The following HSD17B2 variants were observed in gnomAD, a reference collection of about 807,000 sequenced individuals.
HSD17B2 encodes the protein 17-beta-hydroxysteroid dehydrogenase type 2.
A neutral mutation model predicts 26.9 loss-of-function variants in HSD17B2; 32 were observed. That is an observed-to-expected ratio of 1.19 (90% CI 0.90 to 1.60). The LOEUF is 1.60. Among genes scored for constraint, HSD17B2 ranks in the 40% most tolerant of loss-of-function variants. The probability of loss-of-function intolerance (pLI) is 0.00; values close to 1 mark genes in which losing one functional copy is unlikely to be tolerated. For synonymous variants in HSD17B2, 246 were observed against 186.7 expected (o/e 1.32, Z -2.59); for missense variants, 613 against 468.6 (o/e 1.31, Z -2.85).
At chr16:82,086,631 C>T (rs1904534956) in intron 3 of HSD17B2, among the ~76,000 whole-genome samples, 1 of 152,110 alleles carries the variant, frequency 6.6e-6, no homozygotes, top group African/African-American at 2.4e-5. Context: ...CGTGCCTATG[C>T]TAAGTAAGGA....
chr16:82,072,153 C>T (rs950140970), intron 3 of HSD17B2, among the ~76,000 whole-genome samples: 5 of 151,970 alleles, frequency 3.3e-5, no homozygotes, highest in African/African-American at 1.2e-4. Flanking sequence ...AAACTAACTG[C>T]TATGTGTCTT....
intron 3 of HSD17B2, among the ~76,000 whole-genome samples, chr16:82,089,649 G>A (rs1177827398): frequency 2.0e-5 from 3 of 152,314 alleles, no homozygotes; most frequent in Non-Finnish European, 4.4e-5. Context: ...TAGCAGGGCT[G>A]TGCTCCTTCT....
At position 82,068,379 on chromosome 16, in the gene HSD17B2, A is replaced by G. The variant is rs961259046; in HGVS notation, c.475A>G (p.Arg159Gly). The G allele has an allele frequency of 1.2e-6, 2 of 1,609,190 alleles. No individual in the cohort carries two copies. The highest frequency in any genetic ancestry group is 1.1e-5 in the South Asian group (1 of 90,392). ...CAAGGTTGCAGCAATGCTGCAGGAC[A>G]GAGGTACTGCCGCCAGCACCCTCAG... ...YSKVAAMLQD[R>G]GLWAVINNAG... The change falls in exon 2 of 5, where the codon AGA becomes GGA. Residue 159 changes from arginine to glycine, a missense_variant. Transcript: ENST00000199936.
At chr16:82,046,752 T>G (rs1441247335) in intron 1 of HSD17B2, among the ~76,000 whole-genome samples, 2 of 152,190 alleles carry the variant, frequency 1.3e-5, no homozygotes, top group African/African-American at 4.8e-5. Context: ...TCAATACCCC[T>G]ATTCTAGAGT....
chr16:82,059,519 C>T (rs1414751922), intron 1 of HSD17B2, among the ~76,000 whole-genome samples: 1 of 152,116 alleles, frequency 6.6e-6, no homozygotes, highest in African/African-American at 2.4e-5. Flanking sequence ...TGGGGATGGG[C>T]ATTGACTTTT....
intron 1 of HSD17B2, among the ~76,000 whole-genome samples, chr16:82,058,153 C>G (rs1260762688): frequency 1.3e-5 from 2 of 151,702 alleles, no homozygotes; most frequent in African/African-American, 4.9e-5. Flanking sequence ...TCACTGCAGC[C>G]TCAACCTCCT....
chr16:82,035,631 T>C lies in HSD17B2; in HGVS notation c.207T>C (p.Tyr69=). 6.2e-7 allele frequency: 1 copy of C among 1,613,946 alleles called. No individual in the cohort carries two copies. Among genetic ancestry groups the C allele is most frequent in the Non-Finnish European group, 8.5e-7 (1 of 1,180,036 alleles). ...TCTCGGTGTCATGCTTCCTCATGTA[T>C]ACTTACTTATCTGGCCAAGAATTGT... ...ILFSVSCFLM[Y]TYLSGQELLP... The change falls in exon 1 of 5, where the codon TAT becomes TAC. Residue 69 remains tyrosine, a synonymous_variant. Transcript: ENST00000199936.
At chr16:82,062,595 G>A (rs888609883) in intron 1 of HSD17B2, among the ~76,000 whole-genome samples, 2 of 152,212 alleles carry the variant, frequency 1.3e-5, no homozygotes, top group African/African-American at 2.4e-5. Context: ...TTAGCTGAAT[G>A]ACTTAATCCT....
chr16:82,069,529 T>A (rs553423302), intron 2 of HSD17B2, among the ~76,000 whole-genome samples: 46 of 152,318 alleles, frequency 3.0e-4, no homozygotes, highest in African/African-American at 1.1e-3. Flanking sequence ...CCAGCCCCCA[T>A]TGCTCTCCTA....
intron 3 of HSD17B2, among the ~76,000 whole-genome samples, chr16:82,073,152 G>T (rs1597132871): frequency 6.6e-6 from 1 of 152,008 alleles, no homozygotes; most frequent in African/African-American, 2.4e-5. Flanking sequence ...TTACTCTGTT[G>T]TCATGTATTT....
chr16:82,068,707 C>T (rs1427389756), intron 2 of HSD17B2, among the ~76,000 whole-genome samples: 1 of 152,014 alleles, frequency 6.6e-6, no homozygotes, highest in African/African-American at 2.4e-5. Flanking sequence ...GAGTCTCCAG[C>T]TTCGAAAAAA....
chr16:82,059,789 C>T (rs368847697), intron 1 of HSD17B2, among the ~76,000 whole-genome samples: 6 of 152,250 alleles, frequency 3.9e-5, no homozygotes, highest in African/African-American at 1.4e-4. Flanking sequence ...ACCACATTCC[C>T]GTTGTGTAGC....
At chr16:82,072,181 G>A (rs1914712926) in intron 3 of HSD17B2, among the ~76,000 whole-genome samples, 1 of 151,986 alleles carries the variant, frequency 6.6e-6, no homozygotes, top group Admixed American at 6.6e-5. Context: ...AGTCTTGGTT[G>A]GCCTGAGGCA....
intron 1 of HSD17B2, among the ~76,000 whole-genome samples, chr16:82,038,498 T>A (rs1913681248): frequency 6.6e-6 from 1 of 152,212 alleles, no homozygotes; most frequent in African/African-American, 2.4e-5. Context: ...TACAGGCACG[T>A]GCTACCACGT....
intron 4 of HSD17B2, chr16:82,091,716 G>C (rs948842490): frequency 1.3e-5 from 2 of 153,036 alleles, no homozygotes; most frequent in Non-Finnish European, 2.9e-5. Flanking sequence ...TCTTAGTGCA[G>C]GGGGTTGGGA....
chr16:82,068,057 C>G (rs1329523210), intron 1 of HSD17B2, 113 bp from the exon 2 acceptor site: 2 of 943,674 alleles, frequency 2.1e-6, no homozygotes, highest in African/African-American at 1.6e-5. Flanking sequence ...TCAGGAACCC[C>G]TCTCTTCAGA....
At chr16:82,076,167 A>T (rs929316668) in intron 3 of HSD17B2, among the ~76,000 whole-genome samples, 1 of 152,198 alleles carries the variant, frequency 6.6e-6, no homozygotes, top group Non-Finnish European at 1.5e-5. Context: ...AAAGCATCTG[A>T]TAAAATTCAA....
At chr16:82,080,802 A>G (rs1185643857) in intron 3 of HSD17B2, among the ~76,000 whole-genome samples, 1 of 152,140 alleles carries the variant, frequency 6.6e-6, no homozygotes, top group African/African-American at 2.4e-5. Flanking sequence ...CATTCTTTAC[A>G]CCATGTTGAA....
chr16:82,082,500 C>T lies in HSD17B2; in HGVS notation c.665-8402C>T, dbSNP rs35094236. Among the ~76,000 whole-genome samples, 69 of 152,218 alleles carry T rather than the reference C, an allele frequency of 4.5e-4. No individual in the cohort carries two copies. In the East Asian group the frequency reaches 8.5e-3, roughly 19 times the overall value. On this transcript the variant is annotated intron_variant, in intron 3 of 4. Coordinates refer to ENST00000199936, the MANE Select transcript of HSD17B2 (RefSeq NM_002153.3). ...CAACTTTTGACTATTATGAATAATG[C>T]TTCTCTGAATATTTTTTGTACAAGC...
Sources: gnomAD v4.1 joint callset for allele counts (sites outside exome capture counted in the v4.1 genomes callset) on GRCh38, gnomAD v4.1.1 for gene constraint, MANE v1.5 for transcripts, NCBI Gene and HGNC (gene_info 2026-07-23, HGNC 2026-07-21) for gene names.